ARHGAP25: variants seen among roughly 807,000 people sequenced by gnomAD.
ARHGAP25 encodes the protein Rho GTPase activating protein 25, also known as rho GTPase-activating protein 25.
ARHGAP25 carries 34 observed loss-of-function variants against 71.0 expected under a neutral mutation model. That is an observed-to-expected ratio of 0.48 (90% CI 0.36 to 0.64). The LOEUF is 0.64. Ranked by LOEUF, ARHGAP25 falls within the 30% of genes least tolerant of loss-of-function variation. The pLI, the probability that ARHGAP25 is intolerant of heterozygous loss-of-function variation, is 0.00. For missense variants in ARHGAP25, 706 were observed against 805.1 expected, an observed-to-expected ratio of 0.88 and a Z score of 1.49; for synonymous variants, 282 against 296.5, an observed-to-expected ratio of 0.95 and a Z score of 0.50.
At position 68,720,027 on chromosome 2, in the gene ARHGAP25, A is replaced by G. The variant is rs182533260; in HGVS notation, c.-18+9329A>G. On this transcript the variant is annotated intron_variant and NMD_transcript_variant, in intron 2 of 7. Transcript: ENST00000463483. ...ATTTCCTTTTGAAAAGGAATCTTTA[A>G]TGTTACATGAAGACCAAATTGATGG... is the stretch of plus-strand genomic sequence containing the variant. Among the ~76,000 whole-genome samples, 304 of 152,328 alleles carry G rather than the reference A, an allele frequency of 2.0e-3. 1 individual carries two copies. The highest frequency in any genetic ancestry group is 6.8e-3 in the African/African-American group (281 of 41,570).
At position 68,774,949 on chromosome 2, in the gene ARHGAP25, G is replaced by A. The variant is rs1025489026; in HGVS notation, c.62-272G>A. 6 of 1,415,452 alleles carry A rather than the reference G, an allele frequency of 4.2e-6. No homozygotes were observed. In the African/African-American group the frequency reaches 8.7e-5, roughly 20 times the overall value. 87.7% of individuals were successfully genotyped at this position (1,415,452 alleles called of 1,614,324 possible). A position where few individuals can be genotyped will look rare whatever the true frequency, so the allele number is the denominator to read the frequency against. On this transcript the variant is annotated intron_variant, in intron 1 of 10. Transcript: ENST00000409202. ...AACCTTTCGGTTTGCAGAATGACGG[G>A]GCCCGCCGCGGTGCCGGACTGCCTG...
intron 4 of ARHGAP25, among the ~76,000 whole-genome samples, chr2:68,805,826 C>T (rs1487306804): frequency 3.9e-5 from 6 of 152,100 alleles, no homozygotes; most frequent in African/African-American, 9.7e-5. Flanking sequence ...ACTTTGCAAA[C>T]GGATGTCCTA....
chr2:68,770,791 C>T (rs547744280), intron 1 of ARHGAP25, among the ~76,000 whole-genome samples: 1 of 152,278 alleles, frequency 6.6e-6, no homozygotes, highest in Admixed American at 6.5e-5. Context: ...TCCCTACTAC[C>T]TCTCTAATCA....
Position 68,735,242 on chromosome 2 carries a change from G to T in ARHGAP25, c.43G>T (p.Val15Leu), listed in dbSNP as rs769592796. 1.2e-6 allele frequency: 2 copies of T among 1,614,200 alleles called. No homozygotes were observed. The highest frequency in any genetic ancestry group is 3.3e-5 in the Admixed American group (2 of 60,030). Residue 15 changes from valine (V) to leucine (L), a missense_variant, in exon 1 of 11, where the codon GTG (valine) becomes TTG (leucine). Coordinates refer to ENST00000409202, the MANE Select transcript of ARHGAP25 (RefSeq NM_001007231.3). ...LPRNWDFNLK[V>L]EAAKIARSRS... is the part of the protein sequence containing the mutation. Reference sequence around the variant, plus strand: ...AAGGAACTGGGATTTCAACCTGAAAGTGGAGGCTGCGAAAATAGGTATGGT... The same window carrying T: ...AAGGAACTGGGATTTCAACCTGAAATTGGAGGCTGCGAAAATAGGTATGGT...
intron 1 of ARHGAP25, among the ~76,000 whole-genome samples, chr2:68,755,946 A>G (rs1417488199): frequency 6.6e-6 from 1 of 152,242 alleles, no homozygotes; most frequent in African/African-American, 2.4e-5. Flanking sequence ...TCTATTTGGT[A>G]TATGCATTAA....
At chr2:68,738,332 C>G (rs1558605735) in intron 1 of ARHGAP25, among the ~76,000 whole-genome samples, 1 of 152,266 alleles carries the variant, frequency 6.6e-6, no homozygotes, top group African/African-American at 2.4e-5. Context: ...CCAGGCCAGT[C>G]TACTTGAGCA....
intron 1 of ARHGAP25, chr2:68,774,846 A>G: frequency 8.2e-7 from 1 of 1,213,624 alleles, no homozygotes. Context: ...CTCTTGTCAG[A>G]TACTGACTCC....
chr2:68,819,561 A>G (rs1573635070), intron 9 of ARHGAP25: 1 of 669,546 alleles, frequency 1.5e-6, no homozygotes, highest in Non-Finnish European at 2.7e-6. Flanking sequence ...TGACTGAGCA[A>G]TGAGGTCCTC....
intron 1 of ARHGAP25, 86 bp downstream of exon 1, chr2:68,735,346 T>C (rs753741187): frequency 7.1e-5 from 96 of 1,361,188 alleles, no homozygotes; most frequent in Non-Finnish European, 9.0e-5. Context: ...GAGCATAGTC[T>C]ACTTAAAAAT....
chr2:68,735,507 G>T, intron 1 of ARHGAP25: 1 of 582,562 alleles, frequency 1.7e-6, no homozygotes, highest in Non-Finnish European at 3.1e-6. Context: ...GGGTACTTCG[G>T]ATGATTTAAG....
Position 68,737,900 on chromosome 2 carries a change from C to T in ARHGAP25, c.61+2640C>T, listed in dbSNP as rs754291454. On this transcript the variant is annotated intron_variant, in intron 1 of 10. Coordinates refer to ENST00000409202, the MANE Select transcript of ARHGAP25 (RefSeq NM_001007231.3). ...GAGTGAAAGTGAAAGTCTCTGAGAG[C>T]GAGGGGAGGGACTCTCCACTGTACT... Among the ~76,000 whole-genome samples, 4 of 152,054 alleles carry T rather than the reference C, an allele frequency of 2.6e-5. No individual in the cohort carries two copies. In the South Asian group the frequency reaches 6.2e-4, roughly 24 times the overall value.
intron 1 of ARHGAP25, among the ~76,000 whole-genome samples, chr2:68,765,489 A>G (rs1434091764): frequency 1.3e-5 from 2 of 152,158 alleles, no homozygotes; most frequent in Non-Finnish European, 2.9e-5. Context: ...ATGTAGACCC[A>G]CTACTGAAGT....
At chr2:68,746,728 C>T (rs375222081) in intron 1 of ARHGAP25, among the ~76,000 whole-genome samples, 109 of 150,926 alleles carry the variant, frequency 7.2e-4, no homozygotes, top group African/African-American at 1.2e-3. Context: ...CCCACAGGGC[C>T]GGGCGCGGTG....
Position 68,757,222 on chromosome 2 carries a change from G to A in ARHGAP25, c.62-17999G>A, listed in dbSNP as rs562282868. 2.6e-5 allele frequency among the ~76,000 whole-genome samples: 4 copies of A among 152,180 alleles called. No individual in the cohort carries two copies. In the South Asian group the frequency reaches 8.3e-4, roughly 32 times the overall value. ...TTACTCATTGTGGGAGTCCTAAAAG[G>A]AAAAGAGAGAAGGGTGCAGAGAGAA... On this transcript the variant is annotated intron_variant, in intron 1 of 10. Coordinates refer to ENST00000409202, the MANE Select transcript of ARHGAP25 (RefSeq NM_001007231.3).
chr2:68,782,450 C>A, intron 3 of ARHGAP25, 130 bp downstream of exon 3: 1 of 733,976 alleles, frequency 1.4e-6, no homozygotes. Context: ...ATTGAGAGCC[C>A]ACAATGGTTC....
At chr2:68,735,287 CTG>C in intron 1 of ARHGAP25, 27 bp downstream of exon 1, 1 of 1,608,464 alleles carries the variant, frequency 6.2e-7, no homozygotes, top group East Asian at 2.2e-5. Context: ...TTCGTTGCCT[CTG>C]TGATTCTTAC....
chr2:68,803,504 A>G (rs1245671676), intron 4 of ARHGAP25, among the ~76,000 whole-genome samples: 1 of 152,134 alleles, frequency 6.6e-6, no homozygotes, highest in Non-Finnish European at 1.5e-5. Context: ...TTACAAGTAT[A>G]TGGTAAAGAG....
At chr2:68,763,817 T>G (rs1332561019) in intron 1 of ARHGAP25, among the ~76,000 whole-genome samples, 1 of 152,164 alleles carries the variant, frequency 6.6e-6, no homozygotes, top group Non-Finnish European at 1.5e-5. Flanking sequence ...CCATGGTGGG[T>G]TTTTTGTGTG....
chr2:68,792,577 A>G (rs1679260435), intron 4 of ARHGAP25, among the ~76,000 whole-genome samples: 1 of 152,210 alleles, frequency 6.6e-6, no homozygotes, highest in African/African-American at 2.4e-5. Context: ...TGCAAAAGAC[A>G]TGATTTCATT....
Sources: allele counts gnomAD v4.1 joint callset (sites outside exome capture counted in the v4.1 genomes callset), GRCh38; gene constraint gnomAD v4.1.1; transcripts MANE v1.5; gene names NCBI Gene and HGNC (gene_info 2026-07-23, HGNC 2026-07-21).